TBCD: variants seen among roughly 807,000 people sequenced by gnomAD.
The protein encoded by TBCD is tubulin-specific chaperone D.
Under a neutral mutation model 169.3 loss-of-function variants are expected in TBCD, and 105 were observed. That is an observed-to-expected ratio of 0.62 (90% confidence interval 0.53 to 0.73). The LOEUF (loss-of-function observed/expected upper bound fraction) is 0.73. Ranked by LOEUF, TBCD falls within the 30% of genes least tolerant of loss-of-function variation. The pLI, the probability that TBCD is intolerant of heterozygous loss-of-function variation, is 0.00. For missense variants in TBCD, 1,444 were observed against 1,600.1 expected, an observed-to-expected ratio of 0.90 and a Z score of 1.66; for synonymous variants, 700 against 643.9, an observed-to-expected ratio of 1.09 and a Z score of -1.32.
intron 23 of TBCD, among the ~76,000 whole-genome samples, chr17:82,914,965 A>G (rs1397929917): frequency 6.6e-6 from 1 of 151,978 alleles, no homozygotes; most frequent in African/African-American, 2.4e-5. Context: ...TCCAAAGGCA[A>G]CCCTTTCAGT....
chr17:82,862,644 A>G (rs1267262266), intron 13 of TBCD, among the ~76,000 whole-genome samples: 3 of 152,250 alleles, frequency 2.0e-5, no homozygotes, highest in Non-Finnish European at 2.9e-5. Flanking sequence ...TTTCGATCTG[A>G]GGGTTATTTC....
chr17:82,873,517 G>A lies in TBCD; in HGVS notation c.1475+3137G>A, dbSNP rs772125359. ...TGGAGAAATGCAGGTGCAACTGTCC[G>A]AACAAATCAAGTCCCCGCTACTGGA... On this transcript the variant is annotated intron_variant, in intron 14 of 38. Coordinates refer to ENST00000355528, the MANE Select transcript of TBCD (RefSeq NM_005993.5). Among the ~76,000 whole-genome samples, 4 of 152,194 alleles carry A rather than the reference G, an allele frequency of 2.6e-5. 1 individual carries two copies. The South Asian group carries it at 8.3e-4, about 32-fold the overall frequency.
intron 7 of TBCD, among the ~76,000 whole-genome samples, chr17:82,793,726 C>T (rs1228421256): frequency 2.0e-5 from 3 of 152,214 alleles, no homozygotes; most frequent in Non-Finnish European, 1.5e-5. Context: ...GATCCTCTTC[C>T]GTGCCTGTCC....
chr17:82,838,153 G>A (rs2054143199), intron 13 of TBCD, among the ~76,000 whole-genome samples: 1 of 152,244 alleles, frequency 6.6e-6, no homozygotes, highest in African/African-American at 2.4e-5. Context: ...GCTTTGAAGA[G>A]TGAGTGGTTT....
chr17:82,768,382 C>T, intron 4 of TBCD, 38 bp from the exon 5 acceptor site: 2 of 1,611,358 alleles, frequency 1.2e-6, no homozygotes, highest in Non-Finnish European at 1.7e-6. Flanking sequence ...CTGTGATTTT[C>T]AAGCAAGACT....
intron 13 of TBCD, chr17:82,865,555 C>G (rs1358628189): frequency 3.6e-5 from 35 of 985,340 alleles, no homozygotes; most frequent in Non-Finnish European, 4.2e-5. Flanking sequence ...CTCGGCTGCA[C>G]TGTGCACAGC....
At chr17:82,767,765 G>C (rs761260868) in intron 4 of TBCD, among the ~76,000 whole-genome samples, 1 of 152,086 alleles carries the variant, frequency 6.6e-6, no homozygotes, top group Non-Finnish European at 1.5e-5. Flanking sequence ...GACCATCCTG[G>C]CTAACACGGT....
Position 82,807,608 on chromosome 17 carries a change from A to G in TBCD, c.1088A>G (p.Glu363Gly). The G allele has an allele frequency of 6.5e-7, 1 of 1,535,556 alleles. No homozygotes were observed. Residue 363 changes from glutamate (E) to glycine (G), a missense_variant and splice_region_variant, in exon 11 of 39, where the codon GAG (glutamate) becomes GGG (glycine). By Grantham distance (98) the Glu-to-Gly change is moderately conservative (BLOSUM62 -2). Transcript: ENST00000355528. ...DVPEGVERVI[E>G]QLLVGLKDKD... is the part of the protein sequence containing the mutation. ...ACGCATCACCTTCCTCTTCCTACAG[A>G]GCAGCTGCTGGTCGGGCTGAAGGAC... is the stretch of plus-strand genomic sequence containing the variant.
Position 82,930,228 on chromosome 17 carries a change from G to A in TBCD, c.2992-294G>A. On this transcript the variant is annotated intron_variant, in intron 32 of 38. Coordinates refer to ENST00000355528, the MANE Select transcript of TBCD (RefSeq NM_005993.5). The surrounding 1 kb of genome is among the most constrained non-coding windows in gnomAD (Gnocchi z 5.2). The stretch of plus-strand genomic sequence containing the variant: ...ATCAAATCCCGCTTCAGTGGGAAAC[G>A]TGAGCGAAACCCAAGGTGAGTGGCC... 2.4e-6 allele frequency: 1 copy of A among 423,340 alleles called. No homozygotes were observed. Among genetic ancestry groups the A allele is most frequent in the South Asian group, 3.3e-5 (1 of 30,164 alleles). 26.2% of individuals were successfully genotyped at this position (423,340 alleles called of 1,614,324 possible). A position where few individuals can be genotyped will look rare whatever the true frequency, so the allele number is the denominator to read the frequency against.
chr17:82,841,211 G>A (rs1157604126), intron 13 of TBCD, among the ~76,000 whole-genome samples: 1 of 151,750 alleles, frequency 6.6e-6, no homozygotes, highest in East Asian at 1.9e-4. Flanking sequence ...CAAAGTGCTT[G>A]GATTACAGGT....
rs76163039 is a variant in TBCD, at chr17:82,936,196, C to T, written c.3192-1075C>T. Among the ~76,000 whole-genome samples the T allele has an allele frequency of 6.8e-4, 104 of 152,324 alleles. No individual in the cohort carries two copies. The East Asian group carries it at 0.017, about 25-fold the overall frequency. On this transcript the variant is annotated intron_variant, in intron 34 of 38. Coordinates refer to ENST00000355528, the MANE Select transcript of TBCD (RefSeq NM_005993.5). ...ATTTTCACACGTCTTTTCCCTCTCT[C>T]TTTGCTTCATTACCTTTGGCCCGCC...
At chr17:82,753,265 C>T (rs1192741370) in intron 1 of TBCD, among the ~76,000 whole-genome samples, 2 of 152,048 alleles carry the variant, frequency 1.3e-5, no homozygotes, top group Non-Finnish European at 2.9e-5. Flanking sequence ...TCAGATCCTC[C>T]TGCCTGTGAA....
intron 34 of TBCD, 45 bp from the exon 35 acceptor site, chr17:82,937,226 G>C (rs759384144): frequency 6.3e-7 from 1 of 1,574,902 alleles, no homozygotes. Context: ...GCATCCCGGG[G>C]CTGCCTGTGA....
At chr17:82,872,870 C>T (rs1336800182) in intron 14 of TBCD, among the ~76,000 whole-genome samples, 2 of 152,190 alleles carry the variant, frequency 1.3e-5, no homozygotes. Context: ...GCTTCTGAGC[C>T]AGGCCCATCA....
At chr17:82,834,259 C>CT (rs1226232825) in intron 13 of TBCD, among the ~76,000 whole-genome samples, 3 of 152,170 alleles carry the variant, frequency 2.0e-5, no homozygotes, top group Non-Finnish European at 4.4e-5. Context: ...AGAACAAAGG[C>CT]TTTGAGAGTC....
intron 31 of TBCD, 35 bp downstream of exon 31, chr17:82,929,306 C>G: frequency 1.9e-6 from 3 of 1,611,082 alleles, no homozygotes; most frequent in Non-Finnish European, 2.5e-6. Context: ...GTGCTGGCCC[C>G]GCAGCCATGG....
rs1437818078 is a variant in TBCD at position 82,944,690 on chromosome 17, A to T, written c.*2227A>T. On this transcript the variant is annotated 3_prime_UTR_variant, in exon 39 of 39. Transcript: ENST00000355528. ...CAGTATCCCTGGGACCGGGGAGCTG[A>T]TGTGGGATTTGTGTACCCACAAACA... 4 of 152,182 alleles carry T rather than the reference A, an allele frequency of 2.6e-5. No individual in the cohort carries two copies. The highest frequency in any genetic ancestry group is 9.7e-5 in the African/African-American group (4 of 41,430). 9.4% of individuals were successfully genotyped at this position (152,182 alleles called of 1,614,324 possible).
Position 82,945,826 on chromosome 17 carries a change from A to G in TBCD, c.*3363A>G, listed in dbSNP as rs2063663263. The stretch of plus-strand genomic sequence containing the variant: ...GTTGAGAACCACTGCTTTAGTGGAT[A>G]AACTTTAGGCAGGAGGGAAATGATC... On this transcript the variant is annotated 3_prime_UTR_variant, in exon 39 of 39. Coordinates refer to ENST00000355528, the MANE Select transcript of TBCD (RefSeq NM_005993.5). The G allele has an allele frequency of 6.6e-6, 1 of 152,250 alleles. No individual in the cohort carries two copies. The highest frequency in any genetic ancestry group is 2.4e-5 in the African/African-American group (1 of 41,462). The allele number at this position is 152,250 out of a possible 1,614,324, so 9.4% of individuals were successfully genotyped here.
intron 13 of TBCD, among the ~76,000 whole-genome samples, chr17:82,851,495 C>T (rs557631918): frequency 2.6e-5 from 4 of 152,202 alleles, no homozygotes; most frequent in South Asian, 2.1e-4. Context: ...GCAGAGTCTG[C>T]GATGTGGACT....
Sources: allele counts gnomAD v4.1 joint callset (sites outside exome capture counted in the v4.1 genomes callset), GRCh38; gene constraint gnomAD v4.1.1; non-coding constraint Gnocchi (gnomAD v3.1); transcripts MANE v1.5; gene names NCBI Gene and HGNC (gene_info 2026-07-23, HGNC 2026-07-21).